The following PRKAG2 variants were observed in gnomAD, a reference collection of about 807,000 sequenced individuals.
PRKAG2 encodes the protein 5'-AMP-activated protein kinase subunit gamma-2.
PRKAG2 carries 26 observed loss-of-function variants against 69.6 expected under a neutral mutation model. The ratio of observed to expected loss-of-function variants is 0.37; its 90% CI spans 0.27 to 0.52. The LOEUF (loss-of-function observed/expected upper bound fraction) is 0.52. Ranked by LOEUF, PRKAG2 falls within the 20% of genes least tolerant of loss-of-function variation. The pLI is 0.90. For synonymous variants in PRKAG2, 293 were observed against 285.0 expected, an observed-to-expected ratio of 1.03 and a Z score of -0.28; for missense variants, 557 against 740.0, an observed-to-expected ratio of 0.75 and a Z score of 2.87.
intron 1 of PRKAG2, among the ~76,000 whole-genome samples, chr7:151,841,541 G>A (rs183701465): frequency 4.0e-4 from 60 of 149,058 alleles, no homozygotes; most frequent in African/African-American, 1.2e-3. Flanking sequence ...GGATGGTAGT[G>A]ATAGTAGGTA....
chr7:151,807,331 T>C lies in PRKAG2; in HGVS notation c.115-20790A>G, dbSNP rs1199154277. On this transcript the variant is annotated intron_variant, in intron 1 of 15. Transcript: ENST00000287878. The surrounding 1 kb of genome is among the most constrained non-coding windows in gnomAD (Gnocchi z 4.4). ...TCTACAGAACGTGGGAAAATGCCTA[T>C]ATTAAGAATCCTGGAATACTCCATG... 6.9e-6 allele frequency: 3 copies of C among 437,546 alleles called. No individual in the cohort carries two copies. The highest frequency in any genetic ancestry group is 2.4e-5 in the Admixed American group (1 of 41,516). 27.1% of individuals were successfully genotyped at this position (437,546 alleles called of 1,614,324 possible). A position where few individuals can be genotyped will look rare whatever the true frequency, so the allele number is the denominator to read the frequency against.
In PRKAG2 at chr7:151,650,992, G is replaced by GT. The variant is rs545661961; in HGVS notation, c.685-18855dup. Among the ~76,000 whole-genome samples, 21 of 152,012 alleles carry GT rather than the reference G, an allele frequency of 1.4e-4. No homozygotes were observed. In the South Asian group the frequency reaches 2.1e-3, roughly 15 times the overall value. The stretch of plus-strand genomic sequence containing the variant: ...TTTGGACCTGGGTATTTGGTAGACA[G>GT]TTTTTTTTCAAAATGAATAAACTGA... On this transcript the variant is annotated intron_variant, in intron 4 of 15. Transcript: ENST00000287878.
chr7:151,837,851 C>G (rs913726431), intron 1 of PRKAG2, among the ~76,000 whole-genome samples: 1 of 152,178 alleles, frequency 6.6e-6, no homozygotes, highest in African/African-American at 2.4e-5. Flanking sequence ...AGAGTTCCCG[C>G]CCCCTGCAAC....
rs191471931 is a variant in PRKAG2 at position 151,696,208 on chromosome 7, C to T, written c.467-20571G>A. Among the ~76,000 whole-genome samples the T allele has an allele frequency of 4.0e-3, 615 of 152,306 alleles. 2 individuals carry two copies. Among genetic ancestry groups the T allele is most frequent in the African/African-American group, 0.014 (571 of 41,574 alleles). On this transcript the variant is annotated intron_variant, in intron 3 of 15. Transcript: ENST00000287878. ...CTTCTCCTTATTCGTTAAAATTCAGCGCATGATACTGGCAAGCTTCAGCCG... is the reference window on the plus strand; with the variant it reads ...CTTCTCCTTATTCGTTAAAATTCAGTGCATGATACTGGCAAGCTTCAGCCG...
intron 10 of PRKAG2, among the ~76,000 whole-genome samples, chr7:151,569,155 T>C (rs1193550849): frequency 2.0e-5 from 3 of 152,138 alleles, no homozygotes; most frequent in Non-Finnish European, 4.4e-5. Flanking sequence ...GCTCAGGTGA[T>C]CCTCCCACCT....
intron 1 of PRKAG2, among the ~76,000 whole-genome samples, chr7:151,858,968 G>C (rs1396689179): frequency 6.6e-6 from 1 of 152,166 alleles, no homozygotes; most frequent in African/African-American, 2.4e-5. Flanking sequence ...GGCTGGCATC[G>C]ACAGCAGGTC....
chr7:151,661,932 A>G (rs1830379032), intron 4 of PRKAG2, among the ~76,000 whole-genome samples: 2 of 152,160 alleles, frequency 1.3e-5, no homozygotes, highest in Admixed American at 6.5e-5. Context: ...AGTGCTTATG[A>G]ATTAGGGGAC....
At position 151,788,053 on chromosome 7, in the gene PRKAG2, C is replaced by T. The variant is rs897588255; in HGVS notation, c.115-1512G>A. On this transcript the variant is annotated intron_variant, in intron 1 of 15. Transcript: ENST00000287878. The surrounding 1 kb of genome is among the most constrained non-coding windows in gnomAD (Gnocchi z 4.6). Reference sequence around the variant, plus strand: ...TGCTTTGCTATGGCAGCCTAGCAAACCAATATAATAGGTGTACGAATATCT... The same window carrying T: ...TGCTTTGCTATGGCAGCCTAGCAAATCAATATAATAGGTGTACGAATATCT... Among the ~76,000 whole-genome samples the T allele has an allele frequency of 5.9e-5, 9 of 152,334 alleles. 1 individual carries two copies. The East Asian group carries it at 1.2e-3, about 20-fold the overall frequency.
intron 1 of PRKAG2, among the ~76,000 whole-genome samples, chr7:151,866,007 A>C (rs927284439): frequency 6.7e-6 from 1 of 149,380 alleles, no homozygotes; most frequent in African/African-American, 2.5e-5. Context: ...GTGACAGAGC[A>C]AGACTCTGTC....
In PRKAG2 at chr7:151,560,589, G is replaced by T. The variant is rs778975764; in HGVS notation, c.1613C>A (p.Ala538Glu). 3.1e-6 allele frequency: 5 copies of T among 1,613,756 alleles called. No homozygotes were observed. The highest frequency in any genetic ancestry group is 4.2e-6 in the Non-Finnish European group (5 of 1,179,826). ...GGAAATAATACCCACAATACTATCT[G>T]CTTCATTTACCACCACCAGCCGATG... Reference protein sequence around the residue: ...EVHRLVVVNEADSIVGIISLS... With the variant: ...EVHRLVVVNEEDSIVGIISLS... The change falls in exon 15 of 16, where the codon GCA becomes GAA. Residue 538 changes from alanine (A) to glutamate (E), a missense_variant. This residue lies in a region of PRKAG2 where 205 missense variants were observed against 383.4 expected (regional missense o/e 0.53). Coordinates refer to ENST00000287878, the MANE Select transcript of PRKAG2 (RefSeq NM_016203.4).
chr7:151,779,344 T>C (rs938573966), intron 3 of PRKAG2, among the ~76,000 whole-genome samples: 1 of 152,212 alleles, frequency 6.6e-6, no homozygotes, highest in Admixed American at 6.5e-5. Flanking sequence ...CTGGTGCCAC[T>C]GCTGGGCTCC....
chr7:151,680,422 A>C (rs1833697541), intron 3 of PRKAG2, among the ~76,000 whole-genome samples: 1 of 152,208 alleles, frequency 6.6e-6, no homozygotes, highest in Non-Finnish European at 1.5e-5. Flanking sequence ...TGGAGCGGTA[A>C]GTGAAGAAAG....
intron 5 of PRKAG2, among the ~76,000 whole-genome samples, chr7:151,618,006 G>T (rs569817260): frequency 6.6e-6 from 1 of 152,280 alleles, no homozygotes; most frequent in Non-Finnish European, 1.5e-5. Context: ...ACAGTCAAAA[G>T]TATATGGAAG....
At chr7:151,573,785 G>A (rs1808249337) in intron 8 of PRKAG2, among the ~76,000 whole-genome samples, 1 of 152,056 alleles carries the variant, frequency 6.6e-6, no homozygotes, top group Non-Finnish European at 1.5e-5. Context: ...GTATGGTTGT[G>A]TTTGTTTTTC....
intron 1 of PRKAG2, among the ~76,000 whole-genome samples, chr7:151,875,562 G>GGGGTGTGTGT (rs1158947028): frequency 7.6e-5 from 10 of 131,398 alleles, no homozygotes; most frequent in South Asian, 5.6e-4. Context: ...GGAGCACTCT[G>GGGGTGTGTGT]GTGTGTGTGT....
chr7:151,737,382 G>GTCTGAACC (rs2073512336), intron 3 of PRKAG2, among the ~76,000 whole-genome samples: 2 of 150,424 alleles, frequency 1.3e-5, no homozygotes, highest in African/African-American at 4.9e-5. Flanking sequence ...AGTTCCAACA[G>GTCTGAACC]TCTGAACCTC....
rs986705562 is a variant in PRKAG2, at chr7:151,815,108, T to G, written c.115-28567A>C. ...CCTTGGAGCACAAAGATTGTGGGGGTTTTTTTCCCCTCTGGCCAGAAGGAT... is the reference window on the plus strand; with the variant it reads ...CCTTGGAGCACAAAGATTGTGGGGGGTTTTTTCCCCTCTGGCCAGAAGGAT... On this transcript the variant is annotated intron_variant, in intron 1 of 15. Transcript: ENST00000287878. Among the ~76,000 whole-genome samples the G allele has an allele frequency of 7.2e-5, 11 of 151,918 alleles. No individual in the cohort carries two copies. The East Asian group carries it at 1.5e-3, about 21-fold the overall frequency.
intron 3 of PRKAG2, among the ~76,000 whole-genome samples, chr7:151,778,697 G>A (rs923361189): frequency 2.4e-4 from 36 of 152,188 alleles, no homozygotes; most frequent in Middle Eastern, 3.4e-3. Flanking sequence ...TCCACATCTC[G>A]CCACCGCCCC....
chr7:151,876,506 C>A lies in PRKAG2; in HGVS notation c.114+1G>T. 1 of 1,605,462 alleles carries A rather than the reference C, an allele frequency of 6.2e-7. No homozygotes were observed. Among genetic ancestry groups the A allele is most frequent in the Non-Finnish European group, 8.5e-7 (1 of 1,179,486 alleles). ...GCAGGGGACCGAGTGCTGGGACTCA[C>A]CGGAATGTGCACGCGCAGCGAACGC... is the stretch of plus-strand genomic sequence containing the variant. On this transcript the variant is annotated splice_donor_variant, in intron 1 of 15. Coordinates refer to ENST00000287878, the MANE Select transcript of PRKAG2 (RefSeq NM_016203.4). LOFTEE classifies it high-confidence loss of function.
Sources: gnomAD v4.1 joint callset for allele counts (sites outside exome capture counted in the v4.1 genomes callset) on GRCh38, gnomAD v4.1.1 for gene constraint, gnomAD v4.1.1 regional missense constraint, Gnocchi (gnomAD v3.1) non-coding constraint, MANE v1.5 for transcripts, NCBI Gene and HGNC (gene_info 2026-07-23, HGNC 2026-07-21) for gene names.